Variants in CADM2 observed in about 807,000 individuals in gnomAD.
CADM2 encodes the protein immunoglobulin superfamily member 4D.
A neutral mutation model predicts 49.8 loss-of-function variants in CADM2; 12 were observed. The ratio of observed to expected loss-of-function variants is 0.24; its 90% CI spans 0.15 to 0.39. CADM2 has a LOEUF of 0.39. Among genes scored for constraint, CADM2 ranks in the 10% least tolerant of loss-of-function variants. The pLI is 1.00. For synonymous variants in CADM2, 214 were observed against 175.4 expected, an observed-to-expected ratio of 1.22 and a Z score of -1.74; for missense variants, 378 against 492.3, an observed-to-expected ratio of 0.77 and a Z score of 2.20.
intron 1 of CADM2, among the ~76,000 whole-genome samples, chr3:85,076,303 T>TTGTGTGTGTGTGTGTGTGTGTG (rs71108205): frequency 7.9e-5 from 11 of 139,256 alleles, no homozygotes; most frequent in African/African-American, 2.4e-4. Context: ...AAAAAAGAAA[T>TTGTGTGTGTGTGTGTGTGTGTG]TGTGTGTGTG....
intron 1 of CADM2, among the ~76,000 whole-genome samples, chr3:85,192,243 A>G (rs780902139): frequency 6.6e-6 from 1 of 152,114 alleles, no homozygotes; most frequent in Non-Finnish European, 1.5e-5. Flanking sequence ...TTACTGGAAG[A>G]TTCTAATGCT....
At chr3:86,012,984 C>A (rs1432243832) in intron 8 of CADM2, 1 of 876,176 alleles carries the variant, frequency 1.1e-6, no homozygotes, top group Non-Finnish European at 1.9e-6. Flanking sequence ...AAAACAAAAA[C>A]AAAAACCTGA....
intron 1 of CADM2, among the ~76,000 whole-genome samples, chr3:85,354,598 A>G (rs1412330746): frequency 3.9e-5 from 3 of 77,600 alleles, no homozygotes; most frequent in Non-Finnish European, 9.3e-5. Context: ...TACATACATC[A>G]TATTATAAAG....
chr3:85,750,794 C>T (rs1010048151), intron 2 of CADM2, among the ~76,000 whole-genome samples: 10 of 151,830 alleles, frequency 6.6e-5, no homozygotes, highest in Non-Finnish European at 1.5e-5. Context: ...AGCTAGGGTC[C>T]TCCATGCTAT....
chr3:85,705,784 AAAG>A (rs973084931), intron 1 of CADM2, among the ~76,000 whole-genome samples: 71 of 152,328 alleles, frequency 4.7e-4, no homozygotes, highest in African/African-American at 1.6e-3. Flanking sequence ...GCCTAAGAAA[AAAG>A]AAGTTAATTG....
At chr3:85,647,171 A>G (rs1408664014) in intron 1 of CADM2, among the ~76,000 whole-genome samples, 1 of 151,866 alleles carries the variant, frequency 6.6e-6, no homozygotes, top group Non-Finnish European at 1.5e-5. Flanking sequence ...TACCCATGAA[A>G]GATACAGATA....
chr3:85,602,570 G>C (rs1392631913), intron 1 of CADM2, among the ~76,000 whole-genome samples: 1 of 151,612 alleles, frequency 6.6e-6, no homozygotes, highest in Non-Finnish European at 1.5e-5. Flanking sequence ...GACCAAAAAG[G>C]CCCTAGGTCT....
At chr3:86,014,747 G>A (rs560583143) in intron 8 of CADM2, 15 of 1,487,764 alleles carry the variant, frequency 1.0e-5, no homozygotes, top group Middle Eastern at 2.6e-4. Context: ...ATACTGACAC[G>A]CTCTCAGCCA....
intron 1 of CADM2, among the ~76,000 whole-genome samples, chr3:85,021,969 A>G (rs1247576133): frequency 6.6e-6 from 1 of 152,202 alleles, no homozygotes; most frequent in Non-Finnish European, 1.5e-5. Context: ...ATGGCTCCTC[A>G]TAGAGGAACT....
At chr3:85,250,803 T>G (rs1344560933) in intron 1 of CADM2, among the ~76,000 whole-genome samples, 1 of 151,750 alleles carries the variant, frequency 6.6e-6, no homozygotes, top group Non-Finnish European at 1.5e-5. Context: ...TAATACTTAT[T>G]TATGAATATT....
intron 2 of CADM2, among the ~76,000 whole-genome samples, chr3:85,764,348 A>T (rs1179943825): frequency 6.6e-6 from 1 of 152,114 alleles, no homozygotes; most frequent in Non-Finnish European, 1.5e-5. Context: ...ATCAATTATC[A>T]GCAATAGATG....
At chr3:85,266,126 T>G (rs942582325) in intron 1 of CADM2, among the ~76,000 whole-genome samples, 2 of 151,896 alleles carry the variant, frequency 1.3e-5, no homozygotes, top group South Asian at 2.1e-4. Context: ...CTCTGTTACC[T>G]GTCTGTAGGT....
chr3:85,127,786 T>A (rs953412300), intron 1 of CADM2, among the ~76,000 whole-genome samples: 4 of 152,174 alleles, frequency 2.6e-5, no homozygotes, highest in Non-Finnish European at 5.9e-5. Context: ...CCCCTATCTC[T>A]GACACATATT....
chr3:85,606,598 G>A (rs1323063675), intron 1 of CADM2, among the ~76,000 whole-genome samples: 5 of 152,156 alleles, frequency 3.3e-5, no homozygotes, highest in East Asian at 1.9e-4. Context: ...AAAATATTGC[G>A]GAGTGCTACA....
At chr3:85,236,617 C>A (rs891773545) in intron 1 of CADM2, among the ~76,000 whole-genome samples, 4 of 152,008 alleles carry the variant, frequency 2.6e-5, no homozygotes, top group African/African-American at 7.2e-5. Flanking sequence ...TTAAGGAAAT[C>A]ATTTTTATAT....
At chr3:85,069,362 A>C in intron 1 of CADM2, among the ~76,000 whole-genome samples, 1 of 152,248 alleles carries the variant, frequency 6.6e-6, no homozygotes, top group East Asian at 1.9e-4. Flanking sequence ...TATTTTTGCC[A>C]AAAACCACAG....
intron 6 of CADM2, among the ~76,000 whole-genome samples, chr3:85,913,019 TCA>T: frequency 6.6e-6 from 1 of 151,882 alleles, no homozygotes; most frequent in Non-Finnish European, 1.5e-5. Flanking sequence ...TATGTTTTCA[TCA>T]TCATCATTAT....
intron 1 of CADM2, among the ~76,000 whole-genome samples, chr3:85,725,048 T>C (rs2067646052): frequency 1.3e-5 from 2 of 151,924 alleles, no homozygotes; most frequent in Non-Finnish European, 2.9e-5. Context: ...ATATTGTAAG[T>C]AGTCTACCAC....
intron 1 of CADM2, among the ~76,000 whole-genome samples, chr3:85,707,246 G>C (rs1219580082): frequency 6.6e-6 from 1 of 151,922 alleles, no homozygotes; most frequent in Non-Finnish European, 1.5e-5. Context: ...TTATGAATTT[G>C]TGGAATTGCT....
Sources: allele counts gnomAD v4.1 joint callset (sites outside exome capture counted in the v4.1 genomes callset), GRCh38; gene constraint gnomAD v4.1.1; transcripts MANE v1.5; gene names NCBI Gene and HGNC (gene_info 2026-07-23, HGNC 2026-07-21).